The following GPR63 variants were observed in gnomAD, a reference collection of about 807,000 sequenced individuals.
GPR63 encodes the protein G protein-coupled receptor 63, also known as probable G protein-coupled receptor 63.
GPR63 carries 12 observed loss-of-function variants against 23.1 expected under a neutral mutation model. The ratio of observed to expected loss-of-function variants is 0.52; its 90% CI spans 0.33 to 0.84. GPR63 has a LOEUF of 0.84. Among genes scored for constraint, GPR63 ranks in the 40% least tolerant of loss-of-function variants. GPR63 has a pLI of 0.02. For missense variants in GPR63, 472 were observed against 515.6 expected (o/e 0.92, Z 0.82); for synonymous variants, 172 against 191.1 (o/e 0.90, Z 0.82).
rs898551125 is a variant in GPR63 at position 96,795,857 on chromosome 6, G to A, written c.*2615C>T. ...AAATCTAGTTTATATGGAAAATGGA[G>A]AGCATAATACACTTCAAAATGCTAC... On this transcript the variant is annotated 3_prime_UTR_variant, in exon 2 of 2. Coordinates refer to ENST00000229955, the MANE Select transcript of GPR63 (RefSeq NM_030784.4). 7 of 152,188 alleles carry A rather than the reference G, an allele frequency of 4.6e-5. No homozygotes were observed. The highest frequency in any genetic ancestry group is 1.4e-4 in the African/African-American group (6 of 41,448). The allele number at this position is 152,188 out of a possible 1,614,324, so 9.4% of individuals were successfully genotyped here.
chr6:96,806,335 A>G (rs1167846251), intron 1 of GPR63, among the ~76,000 whole-genome samples: 1 of 152,198 alleles, frequency 6.6e-6, no homozygotes, highest in East Asian at 1.9e-4. Context: ...ACAGAGACAC[A>G]GCATCTAGCT....
chr6:96,824,104 T>A (rs938996732), intron 1 of GPR63, among the ~76,000 whole-genome samples: 3 of 152,152 alleles, frequency 2.0e-5, no homozygotes, highest in African/African-American at 7.2e-5. Context: ...TAAAGACTAG[T>A]GTATTTTAGT....
chr6:96,805,446 T>G (rs1010168570), intron 1 of GPR63, among the ~76,000 whole-genome samples: 1 of 152,180 alleles, frequency 6.6e-6, no homozygotes, highest in African/African-American at 2.4e-5. Flanking sequence ...CACTGGGGAT[T>G]CCATTTCAAC....
intron 1 of GPR63, among the ~76,000 whole-genome samples, chr6:96,817,582 T>C (rs1774195972): frequency 6.6e-6 from 1 of 152,120 alleles, no homozygotes; most frequent in Non-Finnish European, 1.5e-5. Flanking sequence ...TTTGAAATAT[T>C]AGAACAGCAA....
intron 1 of GPR63, among the ~76,000 whole-genome samples, chr6:96,828,319 C>T (rs1351366052): frequency 1.3e-5 from 2 of 151,912 alleles, no homozygotes; most frequent in Admixed American, 1.3e-4. Context: ...TGGATCAGGG[C>T]CCTACCCTTA....
At chr6:96,827,664 G>A (rs1306646959) in intron 1 of GPR63, among the ~76,000 whole-genome samples, 3 of 152,032 alleles carry the variant, frequency 2.0e-5, no homozygotes, top group African/African-American at 7.2e-5. Flanking sequence ...TGGAAAGATA[G>A]ATTCCCTGAC....
intron 1 of GPR63, among the ~76,000 whole-genome samples, chr6:96,835,173 T>TTAA (rs1254325539): frequency 6.6e-6 from 1 of 152,122 alleles, no homozygotes; most frequent in African/African-American, 2.4e-5. Flanking sequence ...TGAAAACCAG[T>TTAA]GCTTTTTAAC....
rs574440768 is a variant in GPR63 at position 96,799,259 on chromosome 6, G to C, written c.473C>G (p.Ala158Gly). ...TATCACAAATAACCAGAAAAACATAGCAGATACCCTACAGAAGAATTTCCC... is the reference window on the plus strand; with the variant it reads ...TATCACAAATAACCAGAAAAACATACCAGATACCCTACAGAAGAATTTCCC... Reference protein sequence around the residue: ...IFGKFFCRVSAMFFWLFVIEG... With the variant: ...IFGKFFCRVSGMFFWLFVIEG... The change falls in exon 2 of 2, where the codon GCT (alanine) becomes GGT (glycine). Residue 158 changes from alanine (A) to glycine (G), a missense_variant. Physicochemically the swap from Ala to Gly is moderately conservative, Grantham distance 60. Transcript: ENST00000229955. 1 of 1,614,072 alleles carries C rather than the reference G, an allele frequency of 6.2e-7. No individual in the cohort carries two copies. Among genetic ancestry groups the C allele is most frequent in the South Asian group, 1.1e-5 (1 of 91,072 alleles).
intron 1 of GPR63, among the ~76,000 whole-genome samples, chr6:96,806,795 A>G (rs1773907701): frequency 6.6e-6 from 1 of 152,192 alleles, no homozygotes; most frequent in Admixed American, 6.5e-5. Context: ...CACAGCTCCT[A>G]TGTTTGCTGT....
chr6:96,810,310 A>C (rs1774007736), intron 1 of GPR63, among the ~76,000 whole-genome samples: 1 of 152,104 alleles, frequency 6.6e-6, no homozygotes, highest in Admixed American at 6.6e-5. Flanking sequence ...AGTCTGGCCA[A>C]CATGGTGAAA....
chr6:96,806,500 C>T (rs531818105), intron 1 of GPR63, among the ~76,000 whole-genome samples: 1 of 152,290 alleles, frequency 6.6e-6, no homozygotes, highest in Non-Finnish European at 1.5e-5. Context: ...AGCTGCTCTG[C>T]CACTGAGCCG....
At chr6:96,836,956 G>A (rs979460867) in intron 1 of GPR63, among the ~76,000 whole-genome samples, 8 of 151,758 alleles carry the variant, frequency 5.3e-5, no homozygotes, top group Non-Finnish European at 1.2e-4. Context: ...CTCTGCAGCC[G>A]ACCGTTTTCC....
chr6:96,836,653 G>A (rs771686338), intron 1 of GPR63, among the ~76,000 whole-genome samples: 2 of 151,932 alleles, frequency 1.3e-5, no homozygotes, highest in Non-Finnish European at 2.9e-5. Flanking sequence ...TTAAAAAGAA[G>A]AATGTTTCCG....
At chr6:96,823,166 T>C (rs918004480) in intron 1 of GPR63, among the ~76,000 whole-genome samples, 2 of 152,196 alleles carry the variant, frequency 1.3e-5, no homozygotes, top group African/African-American at 4.8e-5. Context: ...TACTCTATAT[T>C]TTTAATTTTT....
rs145770511 is a variant in GPR63 at position 96,814,359 on chromosome 6, GA to G, written c.-150-14479del. 9.5e-3 allele frequency among the ~76,000 whole-genome samples: 1,445 copies of G among 151,914 alleles called. 25 individuals are homozygous for G. Among genetic ancestry groups the G allele is most frequent in the African/African-American group, 0.033 (1,374 of 41,430 alleles). The stretch of plus-strand genomic sequence containing the variant: ...GAAAAAAAGCCTTATCCCAGAAAAA[GA>G]AAAAAAATTTCAGATGTGCAATTAT... On this transcript the variant is annotated intron_variant, in intron 1 of 1. Transcript: ENST00000229955.
intron 1 of GPR63, among the ~76,000 whole-genome samples, chr6:96,832,416 C>T (rs533901412): frequency 5.8e-4 from 86 of 147,448 alleles, no homozygotes; most frequent in Non-Finnish European, 9.8e-4. Context: ...AACCACGTGC[C>T]ACCATACCTG....
At chr6:96,830,225 T>C (rs1774545550) in intron 1 of GPR63, among the ~76,000 whole-genome samples, 1 of 152,188 alleles carries the variant, frequency 6.6e-6, no homozygotes, top group Non-Finnish European at 1.5e-5. Context: ...TTTTTAAACT[T>C]AAAGGTATGC....
At chr6:96,828,389 G>A (rs954163538) in intron 1 of GPR63, among the ~76,000 whole-genome samples, 1 of 151,890 alleles carries the variant, frequency 6.6e-6, no homozygotes, top group Non-Finnish European at 1.5e-5. Context: ...TAGTCATATT[G>A]GGGATTAGGG....
intron 1 of GPR63, among the ~76,000 whole-genome samples, chr6:96,836,928 A>G (rs1774745708): frequency 6.6e-6 from 1 of 151,546 alleles, no homozygotes; most frequent in South Asian, 2.1e-4. Context: ...GCAGGAAAGG[A>G]GCCGGCATGG....
Sources: gnomAD v4.1 joint callset for allele counts (sites outside exome capture counted in the v4.1 genomes callset) on GRCh38, gnomAD v4.1.1 for gene constraint, MANE v1.5 for transcripts, NCBI Gene and HGNC (gene_info 2026-07-23, HGNC 2026-07-21) for gene names.